Variants in PHACTR4 observed in about 807,000 individuals in gnomAD.
PHACTR4 encodes protein phosphatase 1, regulatory subunit 124.
In PHACTR4, 51 loss-of-function variants were observed where a neutral mutation model predicts 72.7. The observed-to-expected ratio is 0.70, with a 90% CI of 0.56 to 0.89. The LOEUF (loss-of-function observed/expected upper bound fraction) is 0.89, where lower values mean the gene tolerates loss of function less well. PHACTR4 is among the 40% of genes least tolerant of loss of function. The pLI, the probability that PHACTR4 is intolerant of heterozygous loss-of-function variation, is 0.00. For missense variants in PHACTR4, 731 were observed against 861.8 expected (o/e 0.85, Z 1.90); for synonymous variants, 255 against 302.5 (o/e 0.84, Z 1.63).
Position 28,496,711 on chromosome 1 carries a change from A to C in PHACTR4, c.*162A>C. The C allele has an allele frequency of 2.5e-6, 2 of 805,122 alleles. No homozygotes were observed. The highest frequency in any genetic ancestry group is 4.2e-6 in the Non-Finnish European group (2 of 479,476). 49.9% of individuals were successfully genotyped at this position (805,122 alleles called of 1,614,324 possible). A position where few individuals can be genotyped will look rare whatever the true frequency, so the allele number is the denominator to read the frequency against. On this transcript the variant is annotated 3_prime_UTR_variant, in exon 14 of 14. Transcript: ENST00000373839. ...TGAATGTAGCATTTCACTGGAACAG[A>C]GTCTTATGTGCTGCACCGGGGGCAA...
intron 2 of PHACTR4, chr1:28,457,758 T>G: frequency 1.2e-6 from 1 of 868,006 alleles, no homozygotes. Flanking sequence ...CCTTGATGTA[T>G]TTCTACAAAG....
rs765533262 is a variant in PHACTR4, at chr1:28,466,570, G to A, written c.625G>A (p.Ala209Thr). The change falls in exon 6 of 14, where the codon GCT (alanine) becomes ACT (threonine). Residue 209 changes from alanine to threonine, a missense_variant. Transcript: ENST00000373839. ...CTCCACCTCCATCACCACAGCACCC[G>A]CTGCCACCACTGCTGCCACAAGCCT... ...IISTSITTAP[A>T]ATTAATSLAK... 24 of 1,613,806 alleles carry A rather than the reference G, an allele frequency of 1.5e-5. No individual in the cohort carries two copies. In the Admixed American group the frequency reaches 1.5e-4, roughly 10 times the overall value.
At chr1:28,389,635 G>T (rs1435013430) in intron 1 of PHACTR4, among the ~76,000 whole-genome samples, 1 of 151,936 alleles carries the variant, frequency 6.6e-6, no homozygotes, top group African/African-American at 2.4e-5. Flanking sequence ...GTGCCACCAC[G>T]CCCAGCTAAT....
intron 1 of PHACTR4, among the ~76,000 whole-genome samples, chr1:28,402,183 C>G (rs1172958883): frequency 6.6e-6 from 1 of 152,090 alleles, no homozygotes; most frequent in Non-Finnish European, 1.5e-5. Flanking sequence ...TGAAATGATA[C>G]AAAATAGCAG....
chr1:28,419,669 T>A (rs998215952), intron 2 of PHACTR4, among the ~76,000 whole-genome samples: 1 of 152,138 alleles, frequency 6.6e-6, no homozygotes, highest in Admixed American at 6.5e-5. Flanking sequence ...GAAAATGATA[T>A]GCTTGCTTAT....
chr1:28,404,225 C>T (rs1654148010), intron 1 of PHACTR4, among the ~76,000 whole-genome samples: 1 of 150,450 alleles, frequency 6.6e-6, no homozygotes, highest in Non-Finnish European at 1.5e-5. Flanking sequence ...GCTGGGATTA[C>T]AGGCATGAGC....
intron 10 of PHACTR4, among the ~76,000 whole-genome samples, chr1:28,489,461 C>G (rs1045054707): frequency 6.4e-4 from 97 of 152,144 alleles, no homozygotes; most frequent in African/African-American, 2.2e-3. Flanking sequence ...TTTCAGTGTT[C>G]TCACTGTATC....
chr1:28,398,141 GA>G (rs1653662020), intron 1 of PHACTR4, among the ~76,000 whole-genome samples: 1 of 152,170 alleles, frequency 6.6e-6, no homozygotes, highest in Admixed American at 6.6e-5. Flanking sequence ...TTAAAGGTGG[GA>G]AGAGGATAAT....
At chr1:28,403,655 G>T (rs941468819) in intron 1 of PHACTR4, among the ~76,000 whole-genome samples, 1 of 152,008 alleles carries the variant, frequency 6.6e-6, no homozygotes, top group African/African-American at 2.4e-5. Context: ...TTTGCAAGTT[G>T]TGTAACCATC....
chr1:28,457,542 G>A (rs1400682379), intron 2 of PHACTR4, among the ~76,000 whole-genome samples: 3 of 152,028 alleles, frequency 2.0e-5, no homozygotes, highest in Non-Finnish European at 4.4e-5. Context: ...ATTTGAGGCT[G>A]CAGTGAGCTG....
intron 9 of PHACTR4, among the ~76,000 whole-genome samples, chr1:28,486,079 G>A (rs528387422): frequency 4.6e-5 from 7 of 151,768 alleles, no homozygotes; most frequent in Middle Eastern, 3.4e-3. Flanking sequence ...TGACAAGGCC[G>A]GGTGTGGTGG....
intron 11 of PHACTR4, 124 bp from the exon 12 acceptor site, chr1:28,491,526 A>G: frequency 7.6e-7 from 1 of 1,320,260 alleles, no homozygotes; most frequent in African/African-American, 1.5e-5. Flanking sequence ...CCAGGGATCA[A>G]TAGTGTCTAA....
intron 2 of PHACTR4, among the ~76,000 whole-genome samples, chr1:28,420,686 A>G (rs1187389172): frequency 6.6e-6 from 1 of 152,226 alleles, no homozygotes; most frequent in Non-Finnish European, 1.5e-5. Flanking sequence ...GGAGTTATTT[A>G]CAATAACAAC....
intron 1 of PHACTR4, among the ~76,000 whole-genome samples, chr1:28,380,348 G>A (rs1046838809): frequency 2.0e-5 from 3 of 152,096 alleles, no homozygotes; most frequent in Non-Finnish European, 2.9e-5. Flanking sequence ...GAGCCACCGC[G>A]CCCGGCCTTA....
At position 28,439,017 on chromosome 1, in the gene PHACTR4, T is replaced by C. The variant is rs187243016; in HGVS notation, c.17-20068T>C. Among the ~76,000 whole-genome samples the C allele has an allele frequency of 3.2e-3, 484 of 152,328 alleles. 3 individuals carry two copies. Among genetic ancestry groups the C allele is most frequent in the African/African-American group, 0.011 (441 of 41,574 alleles). On this transcript the variant is annotated intron_variant, in intron 2 of 13. Transcript: ENST00000373839. ...AGGGATAGCTAGAGAGCAAGCTGAT[T>C]GTGAGTATAGCTCAGAGTTTCAAAT...
chr1:28,481,343 T>G (rs1282152834), intron 9 of PHACTR4: 1 of 152,126 alleles, frequency 6.6e-6, no homozygotes, highest in Non-Finnish European at 1.5e-5. Flanking sequence ...TGAGTATAAT[T>G]TTAAAAAATA....
intron 9 of PHACTR4, among the ~76,000 whole-genome samples, chr1:28,483,050 A>G (rs931171559): frequency 6.6e-6 from 1 of 151,758 alleles, no homozygotes; most frequent in Non-Finnish European, 1.5e-5. Flanking sequence ...GTTCTCTGCA[A>G]TTTCTTTACT....
chr1:28,376,644 AT>A (rs1346644268), intron 1 of PHACTR4, among the ~76,000 whole-genome samples: 1 of 146,950 alleles, frequency 6.8e-6, no homozygotes, highest in Non-Finnish European at 1.5e-5. Context: ...AGACCTTTTA[AT>A]TTTTTTTTTG....
Position 28,473,936 on chromosome 1 carries a change from C to T in PHACTR4, c.1206C>T (p.Asn402=), listed in dbSNP as rs1246380947. Residue 402 remains asparagine (N), a synonymous_variant, in exon 7 of 14, where the codon AAC becomes AAT. Coordinates refer to ENST00000373839, the MANE Select transcript of PHACTR4 (RefSeq NM_001048183.3). ...KEVPKRILDQ[N]FGEPHIPSRL... Reference sequence around the variant, plus strand: ...TCCCCAAGAGGATACTGGACCAGAACTTTGGGGAGCCCCATATACCCTCTA... The same window carrying T: ...TCCCCAAGAGGATACTGGACCAGAATTTTGGGGAGCCCCATATACCCTCTA... The T allele has an allele frequency of 8.7e-6, 14 of 1,614,058 alleles. No individual in the cohort carries two copies. Among genetic ancestry groups the T allele is most frequent in the East Asian group, 2.2e-5 (1 of 44,896 alleles).
Sources: gnomAD v4.1 joint callset for allele counts (sites outside exome capture counted in the v4.1 genomes callset) on GRCh38, gnomAD v4.1.1 for gene constraint, MANE v1.5 for transcripts, NCBI Gene and HGNC (gene_info 2026-07-23, HGNC 2026-07-21) for gene names.